The following HECTD4 variants were observed in gnomAD, a reference collection of about 807,000 sequenced individuals.
HECTD4 encodes HECT domain E3 ubiquitin protein ligase 4.
Under a neutral mutation model 471.5 loss-of-function variants are expected in HECTD4, and 114 were observed. That is an observed-to-expected ratio of 0.24 (90% CI 0.21 to 0.28). The LOEUF (loss-of-function observed/expected upper bound fraction) is 0.28. HECTD4 is among the 10% of genes least tolerant of loss of function. The pLI, the probability that HECTD4 is intolerant of heterozygous loss-of-function variation, is 1.00. For synonymous variants in HECTD4, 2,012 were observed against 2,256.0 expected, an observed-to-expected ratio of 0.89 and a Z score of 3.07; for missense variants, 3,866 against 5,651.5, an observed-to-expected ratio of 0.68 and a Z score of 10.13.
At chr12:112,250,119 A>T in intron 25 of HECTD4, 25 bp downstream of exon 25, 1 of 1,556,212 alleles carries the variant, frequency 6.4e-7, no homozygotes, top group Non-Finnish European at 8.8e-7. Context: ...CATTGGGAAA[A>T]GTAAAACACT....
intron 1 of HECTD4, among the ~76,000 whole-genome samples, chr12:112,347,547 C>A (rs2036178228): frequency 1.3e-5 from 2 of 152,124 alleles, no homozygotes; most frequent in East Asian, 3.9e-4. Context: ...ACAGAGACTC[C>A]CGGATTGGGA....
intron 4 of HECTD4, 141 bp downstream of exon 4, chr12:112,312,876 C>T (rs1396988507): frequency 1.6e-6 from 1 of 618,562 alleles, no homozygotes; most frequent in African/African-American, 1.8e-5. Context: ...ATAAAGCAGA[C>T]AATGAACATA....
chr12:112,212,216 T>G (rs930991499), intron 49 of HECTD4, among the ~76,000 whole-genome samples: 5 of 152,260 alleles, frequency 3.3e-5, no homozygotes, highest in Non-Finnish European at 7.3e-5. Flanking sequence ...AGAACTCTAG[T>G]GTTCCTTGCA....
intron 1 of HECTD4, among the ~76,000 whole-genome samples, chr12:112,343,981 C>T (rs866108958): frequency 2.0e-5 from 3 of 152,222 alleles, no homozygotes; most frequent in Middle Eastern, 3.4e-3. Context: ...TGAATAGCTC[C>T]GATGGGTAGC....
In HECTD4 at chr12:112,184,161, G is replaced by A; in HGVS notation, c.10779+26C>T. On this transcript the variant is annotated intron_variant, in intron 61 of 75. Transcript: ENST00000682272. The surrounding 1 kb of genome is among the most constrained non-coding windows in gnomAD (Gnocchi z 9.1). ...GGATTGAAATGGGTCATGATTTAGT[G>A]GTTGCAGAGGCTTGAAAGCTGTTAC... 1 of 1,556,974 alleles carries A rather than the reference G, an allele frequency of 6.4e-7. No individual in the cohort carries two copies. The highest frequency in any genetic ancestry group is 2.3e-5 in the East Asian group (1 of 44,440).
chr12:112,163,794 G>T lies in HECTD4; in HGVS notation c.12702-57C>A. The T allele has an allele frequency of 7.3e-7, 1 of 1,368,730 alleles. No homozygotes were observed. Among genetic ancestry groups the T allele is most frequent in the South Asian group, 1.7e-5 (1 of 60,396 alleles). The allele number at this position is 1,368,730 out of a possible 1,614,324, so 84.8% of individuals were successfully genotyped here. On this transcript the variant is annotated intron_variant, in intron 73 of 75. Transcript: ENST00000682272. The surrounding 1 kb of genome is among the most constrained non-coding windows in gnomAD (Gnocchi z 8.2). ...ACACCGCCGAAGAGGCTGGGTCTGGGGGCCACACCCACTCAGCTGGAGGTC... is the reference window on the plus strand; with the variant it reads ...ACACCGCCGAAGAGGCTGGGTCTGGTGGCCACACCCACTCAGCTGGAGGTC...
chr12:112,167,945 C>T (rs752240312), intron 70 of HECTD4, 28 bp from the exon 71 acceptor site: 3 of 1,574,400 alleles, frequency 1.9e-6, no homozygotes, highest in East Asian at 2.2e-5. Context: ...CACATGGGCA[C>T]CTGGGGTGTC....
At chr12:112,202,140 G>A (rs2032447128) in intron 54 of HECTD4, among the ~76,000 whole-genome samples, 1 of 152,052 alleles carries the variant, frequency 6.6e-6, no homozygotes, top group South Asian at 2.1e-4. Flanking sequence ...GTGACCACCA[G>A]TCAATAGCCC....
Position 112,313,148 on chromosome 12 carries a change from C to CTA in HECTD4, c.786-3_786-2dup, listed in dbSNP as rs2035404117. 1 of 1,533,844 alleles carries CTA rather than the reference C, an allele frequency of 6.5e-7. No individual in the cohort carries two copies. The highest frequency in any genetic ancestry group is 1.2e-5 in the South Asian group (1 of 83,802). On this transcript the variant is annotated splice_acceptor_variant, in intron 3 of 75. Coordinates refer to ENST00000682272, the MANE Select transcript of HECTD4 (RefSeq NM_001388303.1). LOFTEE classifies it high-confidence loss of function. ...AGGCCCCCCTTCCAAAAGCAACAGC[C>CTA]TATATGGGGGAGAAAGAAAATCACA... is the stretch of plus-strand genomic sequence containing the variant.
In HECTD4 at chr12:112,303,977, G is replaced by A. The variant is rs183866266; in HGVS notation, c.1335+2087C>T. Among the ~76,000 whole-genome samples the A allele has an allele frequency of 2.3e-3, 347 of 151,804 alleles. 2 individuals are homozygous for A. The Middle Eastern group carries it at 0.037, about 16-fold the overall frequency. ...AAAATCAACTTTGTTTATATCTGGC[G>A]TTCATAAATCAAGAAATAGCAATAT... On this transcript the variant is annotated intron_variant, in intron 7 of 75. Transcript: ENST00000682272.
At position 112,213,797 on chromosome 12, in the gene HECTD4, A is replaced by G. The variant is rs2032835346; in HGVS notation, c.7466-1147T>C. 6.6e-6 allele frequency among the ~76,000 whole-genome samples: 1 copy of G among 151,116 alleles called. No homozygotes were observed. The highest frequency in any genetic ancestry group is 1.5e-5 in the Non-Finnish European group (1 of 67,824). ...AGCATTTTGGGAGGCCAAGGTGGGA[A>G]GATTGCTTGAGCCCAGGAGTTCAAG... On this transcript the variant is annotated intron_variant, in intron 48 of 75. Coordinates refer to ENST00000682272, the MANE Select transcript of HECTD4 (RefSeq NM_001388303.1). This position sits in a 1 kb window ranked among gnomAD's most constrained non-coding sequence, Gnocchi z 4.0.
Position 112,161,200 on chromosome 12 carries a change from G to T in HECTD4, c.*1187C>A, listed in dbSNP as rs1176468084. On this transcript the variant is annotated 3_prime_UTR_variant, in exon 76 of 76. Coordinates refer to ENST00000682272, the MANE Select transcript of HECTD4 (RefSeq NM_001388303.1). ...CCAAAGTGACAGTGTCCAACAAGAT[G>T]GCCTGTGCTGCTCATGAACAAAGTA... is the stretch of plus-strand genomic sequence containing the variant. 1.4e-4 allele frequency: 21 copies of T among 152,364 alleles called. No individual in the cohort carries two copies. The highest frequency in any genetic ancestry group is 1.1e-3 in the Admixed American group (17 of 15,298). The allele number at this position is 152,364 out of a possible 1,614,324, so 9.4% of individuals were successfully genotyped here.
chr12:112,346,578 C>G (rs552850226), intron 1 of HECTD4, among the ~76,000 whole-genome samples: 1 of 152,322 alleles, frequency 6.6e-6, no homozygotes, highest in Non-Finnish European at 1.5e-5. Flanking sequence ...CAAGCACAAA[C>G]AAAACCTAGA....
intron 5 of HECTD4, 89 bp from the exon 6 acceptor site, chr12:112,308,980 C>G (rs1471581065): frequency 7.4e-7 from 1 of 1,346,918 alleles, no homozygotes; most frequent in Non-Finnish European, 9.8e-7. Flanking sequence ...ACATTTTCGA[C>G]CTAATTTTAA....
At chr12:112,226,221 TCACA>T (rs1384859230) in intron 44 of HECTD4, among the ~76,000 whole-genome samples, 2 of 151,234 alleles carry the variant, frequency 1.3e-5, no homozygotes, top group East Asian at 2.0e-4. Context: ...ACACACACAC[TCACA>T]CACACACTCA....
At chr12:112,233,834 C>T (rs2033441196) in intron 37 of HECTD4, among the ~76,000 whole-genome samples, 1 of 142,080 alleles carries the variant, frequency 7.0e-6, no homozygotes, top group African/African-American at 2.7e-5. Flanking sequence ...AGCGCCTGGC[C>T]TATTTTGTTT....
In HECTD4 at chr12:112,382,290, G is replaced by T. The variant is rs900589624; in HGVS notation, c.-162C>A. 2 of 574,236 alleles carry T rather than the reference G, an allele frequency of 3.5e-6. No homozygotes were observed. Among genetic ancestry groups the T allele is most frequent in the Non-Finnish European group, 2.5e-6 (1 of 398,600 alleles). The allele number at this position is 574,236 out of a possible 1,614,324, so 35.6% of individuals were successfully genotyped here. ...AACTCCGCCCTAGGCGGTCCGAGTC[G>T]CCATACCCCCGACCCCGGCCCGGGA... On this transcript the variant is annotated 5_prime_UTR_variant, in exon 1 of 76. Coordinates refer to ENST00000682272, the MANE Select transcript of HECTD4 (RefSeq NM_001388303.1).
Position 112,184,083 on chromosome 12 carries a change from G to T in HECTD4, c.10779+104C>A. 1.7e-6 allele frequency: 2 copies of T among 1,174,118 alleles called. No homozygotes were observed. Among genetic ancestry groups the T allele is most frequent in the Non-Finnish European group, 2.4e-6 (2 of 825,956 alleles). 72.7% of individuals were successfully genotyped at this position (1,174,118 alleles called of 1,614,324 possible). On this transcript the variant is annotated intron_variant, in intron 61 of 75. Coordinates refer to ENST00000682272, the MANE Select transcript of HECTD4 (RefSeq NM_001388303.1). The surrounding 1 kb of genome is among the most constrained non-coding windows in gnomAD (Gnocchi z 9.1). ...GGGCTGCCCCAGGGAGCCCCCAACC[G>T]CTCCACCATTACCTACTAGGAAATA...
At chr12:112,203,107 G>A (rs2032475294) in intron 54 of HECTD4, 1 of 152,236 alleles carries the variant, frequency 6.6e-6, no homozygotes, top group Non-Finnish European at 1.5e-5. Flanking sequence ...TGCCCACCAT[G>A]ACTAGCTAAT....
Sources: gnomAD v4.1 joint callset for allele counts (sites outside exome capture counted in the v4.1 genomes callset) on GRCh38, gnomAD v4.1.1 for gene constraint, Gnocchi (gnomAD v3.1) non-coding constraint, MANE v1.5 for transcripts, NCBI Gene and HGNC (gene_info 2026-07-23, HGNC 2026-07-21) for gene names.